Variants in MYL4 observed in about 807,000 individuals in gnomAD.
MYL4 encodes the protein myosin light chain 4, also known as atrial myosin light chain 1.
MYL4 carries 16 observed loss-of-function variants against 21.6 expected under a neutral mutation model. The ratio of observed to expected loss-of-function variants is 0.74; its 90% CI spans 0.50 to 1.12. The LOEUF (loss-of-function observed/expected upper bound fraction) is 1.12. MYL4 is among the 50% of genes most tolerant of loss of function. The pLI is 0.00. For missense variants in MYL4, 249 were observed against 252.9 expected (o/e 0.98, Z 0.11); for synonymous variants, 82 against 95.7 (o/e 0.86, Z 0.83).
At chr17:47,209,599 T>C (rs2064757214) in intron 1 of MYL4, 42 bp downstream of exon 1, 1 of 1,614,116 alleles carries the variant, frequency 6.2e-7, no homozygotes. Flanking sequence ...GGGGATGACA[T>C]TGAGAGTCCT....
At chr17:47,197,160 G>A (rs1198815516), upstream of MYL4, among the ~76,000 whole-genome samples, 2 of 147,374 alleles carry the variant, frequency 1.4e-5, no homozygotes, top group African/African-American at 2.5e-5. Context: ...GTGCAGTGGC[G>A]CTATCTCGGC....
At chr17:47,193,522 C>G in the MYL4 span, among the ~76,000 whole-genome samples, 1 of 152,082 alleles carries the variant, frequency 6.6e-6, no homozygotes, top group East Asian at 1.9e-4. Flanking sequence ...CCTGCCTCAG[C>G]CTTCCAAAAT....
At chr17:47,190,770 A>T in the MYL4 span, among the ~76,000 whole-genome samples, 1 of 152,234 alleles carries the variant, frequency 6.6e-6, no homozygotes, top group Non-Finnish European at 1.5e-5. Context: ...GCCATTAGCT[A>T]TTTAAAGTTT....
At chr17:47,213,955 A>G in intron 2 of MYL4, 129 bp downstream of exon 2, 2 of 1,090,172 alleles carry the variant, frequency 1.8e-6, no homozygotes, top group Non-Finnish European at 2.8e-6. Flanking sequence ...TAGCAAACCT[A>G]TATTGAGCAT....
chr17:47,193,013 C>T, the MYL4 span, among the ~76,000 whole-genome samples: 3 of 152,112 alleles, frequency 2.0e-5, no homozygotes, highest in African/African-American at 7.2e-5. Flanking sequence ...AAAAGCTAGA[C>T]GTGATATCAG....
At chr17:47,201,874 T>C (rs1394673323) in intron 1 of MYL4, among the ~76,000 whole-genome samples, 1 of 152,230 alleles carries the variant, frequency 6.6e-6, no homozygotes, top group Non-Finnish European at 1.5e-5. Context: ...TCTTGGATAA[T>C]GGGTAATGCT....
At chr17:47,200,905 C>T (rs1015873353) in intron 1 of MYL4, among the ~76,000 whole-genome samples, 2 of 152,228 alleles carry the variant, frequency 1.3e-5, no homozygotes, top group African/African-American at 4.8e-5. Flanking sequence ...GGCGCTATGG[C>T]TCATTCCTGT....
chr17:47,222,365 C>T lies in MYL4; in HGVS notation c.488-15C>T, dbSNP rs2064862703. On this transcript the variant is annotated splice_polypyrimidine_tract_variant and intron_variant, in intron 4 of 6. Transcript: ENST00000393450. The stretch of plus-strand genomic sequence containing the variant: ...TCTGTAATTAAGAGCGCACCACCTC[C>T]CAAACCCACCGCAGGAGAGAAGATG... The T allele has an allele frequency of 6.2e-7, 1 of 1,613,884 alleles. No homozygotes were observed. The highest frequency in any genetic ancestry group is 1.3e-5 in the African/African-American group (1 of 74,896).
intron 5 of MYL4, 45 bp downstream of exon 5, chr17:47,222,502 G>T: frequency 6.3e-7 from 1 of 1,597,862 alleles, no homozygotes; most frequent in Non-Finnish European, 8.6e-7. Context: ...GGGATGGTAG[G>T]ATGGGAACAG....
the MYL4 span, among the ~76,000 whole-genome samples, chr17:47,190,227 T>G: frequency 1.2e-3 from 180 of 152,336 alleles, no homozygotes; most frequent in African/African-American, 4.2e-3. Context: ...AATTTTATCT[T>G]TAGCACTAAC....
Position 47,209,564 on chromosome 17 carries a change from G to C in MYL4, c.135+7G>C. ...TGACCCCAAGAGTGTAAAGGTAAGTGAGGCTCAGCCATTGGGATAGAGGTG... is the reference window on the plus strand; with the variant it reads ...TGACCCCAAGAGTGTAAAGGTAAGTCAGGCTCAGCCATTGGGATAGAGGTG... On this transcript the variant is annotated splice_region_variant and intron_variant, in intron 1 of 6. Coordinates refer to ENST00000393450, the MANE Select transcript of MYL4 (RefSeq NM_002476.2). 6.2e-7 allele frequency: 1 copy of C among 1,614,204 alleles called. No individual in the cohort carries two copies. Among genetic ancestry groups the C allele is most frequent in the East Asian group, 2.2e-5 (1 of 44,882 alleles).
intron 2 of MYL4, among the ~76,000 whole-genome samples, chr17:47,219,135 C>G (rs2064836018): frequency 1.3e-5 from 2 of 152,254 alleles, no homozygotes; most frequent in Non-Finnish European, 2.9e-5. Flanking sequence ...CATGGCAGAG[C>G]TGGGGTGGTC....
At chr17:47,213,329 G>T (rs893337694) in intron 1 of MYL4, among the ~76,000 whole-genome samples, 2 of 152,094 alleles carry the variant, frequency 1.3e-5, no homozygotes, top group Non-Finnish European at 2.9e-5. Context: ...ATCTGTAGGG[G>T]ATTAGTTCCA....
At chr17:47,219,849 C>G in intron 2 of MYL4, 55 bp from the exon 3 acceptor site, 1 of 1,607,108 alleles carries the variant, frequency 6.2e-7, no homozygotes, top group Non-Finnish European at 8.5e-7. Flanking sequence ...TGATTGGCCA[C>G]CAGCCACCAC....
At chr17:47,199,404 G>A (rs542447165), upstream of MYL4, among the ~76,000 whole-genome samples, 8 of 151,866 alleles carry the variant, frequency 5.3e-5, no homozygotes, top group South Asian at 2.1e-4. Flanking sequence ...TTTTAGTTGC[G>A]CACCTTCTTT....
Position 47,209,404 on chromosome 17 carries a change from A to G in MYL4, c.-19A>G. On this transcript the variant is annotated 5_prime_UTR_variant, in exon 1 of 7. Coordinates refer to ENST00000393450, the MANE Select transcript of MYL4 (RefSeq NM_002476.2). ...TTCTTCTTAGATCACTCCTCTGCCA[A>G]AGATCCCAACAAGACAACATGGCTC... The G allele has an allele frequency of 6.2e-7, 1 of 1,614,146 alleles. No individual in the cohort carries two copies. The highest frequency in any genetic ancestry group is 8.5e-7 in the Non-Finnish European group (1 of 1,180,034).
At chr17:47,198,155 C>T (rs1350750992), upstream of MYL4, among the ~76,000 whole-genome samples, 1 of 152,128 alleles carries the variant, frequency 6.6e-6, no homozygotes, top group Non-Finnish European at 1.5e-5. Flanking sequence ...CTGGGCAACT[C>T]TGAATATTCA....
upstream of MYL4, among the ~76,000 whole-genome samples, chr17:47,206,298 G>C (rs2064728040): frequency 6.6e-6 from 1 of 151,862 alleles, no homozygotes; most frequent in Non-Finnish European, 1.5e-5. Flanking sequence ...CTGATATTTT[G>C]CTTCTTAGAA....
downstream of MYL4, among the ~76,000 whole-genome samples, chr17:47,225,144 A>T (rs115596373): frequency 0.016 from 2,383 of 152,304 alleles, 51 homozygotes; most frequent in African/African-American, 0.054. Context: ...GAAACATCTA[A>T]GAATTCAGCC....
Sources: allele counts gnomAD v4.1 joint callset (sites outside exome capture counted in the v4.1 genomes callset), GRCh38; gene constraint gnomAD v4.1.1; transcripts MANE v1.5; gene names NCBI Gene and HGNC (gene_info 2026-07-23, HGNC 2026-07-21).